The following MED1 variants were observed in gnomAD, a reference collection of about 807,000 sequenced individuals.
MED1 encodes mediator complex subunit 1.
Under a neutral mutation model 121.3 loss-of-function variants are expected in MED1, and 17 were observed. The ratio of observed to expected loss-of-function variants is 0.14; its 90% CI spans 0.10 to 0.21. The LOEUF is 0.21. Ranked by LOEUF, MED1 falls within the 10% of genes least tolerant of loss-of-function variation. The pLI, the probability that MED1 is intolerant of heterozygous loss-of-function variation, is 1.00. For missense variants in MED1, 1,558 were observed against 1,919.4 expected (o/e 0.81, Z 3.52); for synonymous variants, 661 against 694.4 (o/e 0.95, Z 0.76).
At chr17:39,434,163 A>G (rs1339887951) in intron 7 of MED1, 86 bp downstream of exon 7, 10 of 836,070 alleles carry the variant, frequency 1.2e-5, no homozygotes, top group African/African-American at 1.8e-5. Context: ...AAACAGCAGA[A>G]GAGGTGGCAA....
At chr17:39,428,662 A>ATT (rs1162794693) in intron 9 of MED1, among the ~76,000 whole-genome samples, 4 of 151,564 alleles carry the variant, frequency 2.6e-5, no homozygotes, top group African/African-American at 9.7e-5. Flanking sequence ...ATAAAGAAAT[A>ATT]TGACAGGCGC....
At chr17:39,444,455 C>T (rs1262036576) in intron 2 of MED1, among the ~76,000 whole-genome samples, 1 of 149,446 alleles carries the variant, frequency 6.7e-6, no homozygotes, top group Non-Finnish European at 1.5e-5. Context: ...TGCAGTGAGC[C>T]GAGATCACAC....
intron 16 of MED1, among the ~76,000 whole-genome samples, chr17:39,411,638 TGTC>T (rs573588061): frequency 3.8e-4 from 57 of 151,226 alleles, no homozygotes; most frequent in Admixed American, 1.3e-3. Context: ...AAAAAGAAAA[TGTC>T]GTCCTCTGGG....
In MED1 at chr17:39,409,846, T is replaced by A; in HGVS notation, c.2375A>T (p.Lys792Ile). 1 of 1,614,162 alleles carries A rather than the reference T, an allele frequency of 6.2e-7. No individual in the cohort carries two copies. The highest frequency in any genetic ancestry group is 8.5e-7 in the Non-Finnish European group (1 of 1,180,034). The change falls in exon 17 of 17, where the codon AAA (lysine) becomes ATA (isoleucine). Residue 792 changes from lysine to isoleucine, a missense_variant. Around this residue, in one of 5 missense-constraint regions of MED1, gnomAD observed 793 missense variants for 898.2 expected, o/e 0.88. Transcript: ENST00000300651. ...ILSDIAEEAS[K>I]LPSTSDDCPA... ...GCAATCATCACTAGTGCTGGGAAGT[T>A]TAGAAGCTTCTTCTGCAATGTCTGA...
At chr17:39,439,985 A>AGAAAGAAG (rs1555544107) in intron 5 of MED1, among the ~76,000 whole-genome samples, 179 of 125,672 alleles carry the variant, frequency 1.4e-3, no homozygotes, top group African/African-American at 3.9e-3. Context: ...AAAGAAAGAA[A>AGAAAGAAG]GAAGGAAGGA....
Position 39,405,892 on chromosome 17 carries a change from AC to A in MED1, c.*1582del. On this transcript the variant is annotated 3_prime_UTR_variant, in exon 17 of 17. Coordinates refer to ENST00000300651, the MANE Select transcript of MED1 (RefSeq NM_004774.4). Reference sequence around the variant, plus strand: ...GAAGTCACTCCACTTACGACATAACACACAAAGGAATCACCTGGCTTTTTTT... The same window carrying A: ...GAAGTCACTCCACTTACGACATAACAACAAAGGAATCACCTGGCTTTTTTT... 1.0e-6 allele frequency: 1 copy of A among 985,198 alleles called. No individual in the cohort carries two copies. The highest frequency in any genetic ancestry group is 1.2e-6 in the Non-Finnish European group (1 of 829,780). The allele number at this position is 985,198 out of a possible 1,614,324, so 61.0% of individuals were successfully genotyped here.
rs761827577 is a variant in MED1 at position 39,405,248 on chromosome 17, G to A, written c.*2227C>T. On this transcript the variant is annotated 3_prime_UTR_variant, in exon 17 of 17. Transcript: ENST00000300651. Reference sequence around the variant, plus strand: ...TCAGATGCTGGGTCAGTGTGGGGGTGAGCCCATCGACAATTCAGGGGCTTA... The same window carrying A: ...TCAGATGCTGGGTCAGTGTGGGGGTAAGCCCATCGACAATTCAGGGGCTTA... 7.5e-6 allele frequency: 12 copies of A among 1,598,084 alleles called. No homozygotes were observed. The highest frequency in any genetic ancestry group is 1.0e-5 in the Non-Finnish European group (12 of 1,172,716).
Position 39,446,776 on chromosome 17 carries a change from GAAAAAAA to G in MED1, c.132+1015_132+1021del, listed in dbSNP as rs778959603. On this transcript the variant is annotated intron_variant, in intron 2 of 16. Coordinates refer to ENST00000300651, the MANE Select transcript of MED1 (RefSeq NM_004774.4). ...CCACAGAGCAAGACTCCATCTCAAA[GAAAAAAA>G]AAAAAAAACTAGCTGGACATGGTTA... 3.3e-5 allele frequency among the ~76,000 whole-genome samples: 4 copies of G among 120,090 alleles called. No individual in the cohort carries two copies. In the East Asian group the frequency reaches 9.7e-4, roughly 29 times the overall value. The allele number at this position is 120,090 out of a possible 152,430, so 78.8% of individuals were successfully genotyped here. A position where few individuals can be genotyped will look rare whatever the true frequency, so the allele number is the denominator to read the frequency against.
At position 39,409,376 on chromosome 17, in the gene MED1, G is replaced by A. The variant is rs941443882; in HGVS notation, c.2845C>T (p.His949Tyr). 6.2e-7 allele frequency: 1 copy of A among 1,614,082 alleles called. No individual in the cohort carries two copies. The highest frequency in any genetic ancestry group is 1.3e-5 in the African/African-American group (1 of 75,006). The change falls in exon 17 of 17, where the codon CAT (histidine) becomes TAT (tyrosine). Residue 949 changes from histidine (H) to tyrosine (Y), a missense_variant. His to Tyr is a moderately conservative substitution (Grantham distance 83). This residue lies in a region of MED1 where 793 missense variants were observed against 898.2 expected (regional missense o/e 0.88). Coordinates refer to ENST00000300651, the MANE Select transcript of MED1 (RefSeq NM_004774.4). ...KALAPADLME[H>Y]HSGSQGPLLT... ...AAAGGACCCTGACTACCACTGTGATGCTCCATAAGATCTGCAGGAGCTAAA... is the reference window on the plus strand; with the variant it reads ...AAAGGACCCTGACTACCACTGTGATACTCCATAAGATCTGCAGGAGCTAAA...
chr17:39,411,136 T>C lies in MED1; in HGVS notation c.1500-415A>G, dbSNP rs2048351859. On this transcript the variant is annotated intron_variant, in intron 16 of 16. Coordinates refer to ENST00000300651, the MANE Select transcript of MED1 (RefSeq NM_004774.4). ...GAGATCGACACCATCCTGGCCAACA[T>C]GGTGAAACCCCGTCTCTACTAAAAA... is the stretch of plus-strand genomic sequence containing the variant. 2.0e-5 allele frequency among the ~76,000 whole-genome samples: 3 copies of C among 151,598 alleles called. No individual in the cohort carries two copies. In the South Asian group the frequency reaches 6.2e-4, roughly 31 times the overall value.
chr17:39,444,482 G>A (rs1229755418), intron 2 of MED1, among the ~76,000 whole-genome samples: 1 of 150,066 alleles, frequency 6.7e-6, no homozygotes, highest in East Asian at 2.0e-4. Flanking sequence ...ACTCCAGCCT[G>A]GCGACAGAGA....
At chr17:39,424,483 C>A (rs928626758) in intron 11 of MED1, 144 bp downstream of exon 11, 2 of 598,394 alleles carry the variant, frequency 3.3e-6, no homozygotes, top group Non-Finnish European at 5.8e-6. Context: ...ACTCAGATAT[C>A]AAACAAAAGA....
chr17:39,419,144 C>T (rs904709610), intron 14 of MED1, among the ~76,000 whole-genome samples: 2 of 151,646 alleles, frequency 1.3e-5, no homozygotes, highest in Admixed American at 6.6e-5. Flanking sequence ...TGCAGTGGTG[C>T]AATCTGAGCT....
intron 16 of MED1, among the ~76,000 whole-genome samples, chr17:39,414,718 G>A (rs944341542): frequency 7.4e-6 from 1 of 134,688 alleles, no homozygotes; most frequent in Non-Finnish European, 1.5e-5. Context: ...TCGTCAGGCT[G>A]GAGTGCAATG....
At position 39,433,949 on chromosome 17, in the gene MED1, G is replaced by C. The variant is rs201747011; in HGVS notation, c.500+300C>G. On this transcript the variant is annotated intron_variant, in intron 7 of 16. Coordinates refer to ENST00000300651, the MANE Select transcript of MED1 (RefSeq NM_004774.4). ...AATACGTTAATAGAATCCCAGGTAG[G>C]TTAAAAATAGAATTAAAGCCAGTTC... 3.9e-5 allele frequency among the ~76,000 whole-genome samples: 6 copies of C among 152,272 alleles called. No individual in the cohort carries two copies. The East Asian group carries it at 1.2e-3, about 29-fold the overall frequency.
chr17:39,437,831 G>C (rs969488806), intron 6 of MED1, among the ~76,000 whole-genome samples: 1 of 152,052 alleles, frequency 6.6e-6, no homozygotes, highest in Non-Finnish European at 1.5e-5. Flanking sequence ...CTACTCGGGA[G>C]GCTGAGGCAG....
chr17:39,430,271 G>A (rs2048553365), intron 9 of MED1, among the ~76,000 whole-genome samples: 1 of 152,094 alleles, frequency 6.6e-6, no homozygotes, highest in Non-Finnish European at 1.5e-5. Context: ...TGTAATCCCA[G>A]CTACTCGGGA....
At chr17:39,450,823 A>C (rs2048775247) in intron 1 of MED1, among the ~76,000 whole-genome samples, 1 of 152,144 alleles carries the variant, frequency 6.6e-6, no homozygotes, top group South Asian at 2.1e-4. Context: ...GTCGAGCATG[A>C]AATCTTCACA....
chr17:39,414,943 C>T (rs984531837), intron 16 of MED1, 83 bp downstream of exon 16: 2 of 1,213,358 alleles, frequency 1.6e-6, no homozygotes, highest in Non-Finnish European at 1.2e-6. Context: ...GTGGGGATTA[C>T]AGGCGTGAGC....
Sources: gnomAD v4.1 joint callset for allele counts (sites outside exome capture counted in the v4.1 genomes callset) on GRCh38, gnomAD v4.1.1 for gene constraint, gnomAD v4.1.1 regional missense constraint, MANE v1.5 for transcripts, NCBI Gene and HGNC (gene_info 2026-07-23, HGNC 2026-07-21) for gene names.